The following MCUB variants were observed in gnomAD, a reference collection of about 807,000 sequenced individuals.
MCUB encodes mitochondrial calcium uniporter dominant negative subunit beta, also known as calcium uniporter regulatory subunit MCUb, mitochondrial.
MCUB carries 46 observed loss-of-function variants against 41.4 expected under a neutral mutation model. That is an observed-to-expected ratio of 1.11 (90% CI 0.88 to 1.42). The LOEUF is 1.42. Ranked by LOEUF, MCUB falls within the 40% of genes most tolerant of loss-of-function variation. MCUB has a pLI of 0.00. For missense variants in MCUB, 403 were observed against 404.9 expected, an observed-to-expected ratio of 1.00 and a Z score of 0.04; for synonymous variants, 148 against 148.2, an observed-to-expected ratio of 1.00 and a Z score of 0.01.
intron 1 of MCUB, among the ~76,000 whole-genome samples, chr4:109,581,986 C>A (rs906057071): frequency 6.6e-6 from 1 of 152,146 alleles, no homozygotes; most frequent in African/African-American, 2.4e-5. Context: ...CCTCAGGGAT[C>A]TAGAACTAGA....
At chr4:109,685,392 C>A in intron 7 of MCUB, 25 bp downstream of exon 7, 3 of 1,026,584 alleles carry the variant, frequency 2.9e-6, no homozygotes, top group Non-Finnish European at 3.1e-6. Flanking sequence ...CATCTTATAG[C>A]TGGTTTGTTT....
intron 1 of MCUB, among the ~76,000 whole-genome samples, chr4:109,600,335 G>C (rs1477907303): frequency 6.6e-6 from 1 of 152,170 alleles, no homozygotes; most frequent in Non-Finnish European, 1.5e-5. Flanking sequence ...TTCCCCAACA[G>C]ATAGAAGTAG....
chr4:109,564,168 C>G (rs1218274470), intron 1 of MCUB, among the ~76,000 whole-genome samples: 6 of 151,734 alleles, frequency 4.0e-5, no homozygotes, highest in Non-Finnish European at 8.8e-5. Flanking sequence ...GAGTCTTGCT[C>G]TGTCGCCAAG....
At chr4:109,655,285 C>T (rs1249394562) in intron 1 of MCUB, among the ~76,000 whole-genome samples, 1 of 152,122 alleles carries the variant, frequency 6.6e-6, no homozygotes, top group Non-Finnish European at 1.5e-5. Flanking sequence ...TGTCACCCTC[C>T]CAACACGTGG....
rs141178853 is a variant in MCUB, at chr4:109,626,012, T to C, written c.100-32999T>C. Among the ~76,000 whole-genome samples the C allele has an allele frequency of 5.1e-3, 777 of 152,328 alleles. 3 individuals carry two copies. The highest frequency in any genetic ancestry group is 0.018 in the African/African-American group (749 of 41,564). ...ATTCAGTTTTAGCCTTTTTCTATCA[T>C]CATTTTAGTTACAAATGGGTGTCCT... On this transcript the variant is annotated intron_variant, in intron 1 of 7. Transcript: ENST00000394650.
In MCUB at chr4:109,672,561, G is replaced by A. The variant is rs72674848; in HGVS notation, c.451+8167G>A. On this transcript the variant is annotated intron_variant, in intron 4 of 7. Coordinates refer to ENST00000394650, the MANE Select transcript of MCUB (RefSeq NM_017918.5). Reference sequence around the variant, plus strand: ...CATAAGTCTATGCCTTAATAAATTGGTGATAAAAGAAATAGATCAACAAAT... The same window carrying A: ...CATAAGTCTATGCCTTAATAAATTGATGATAAAAGAAATAGATCAACAAAT... 5.0e-3 allele frequency among the ~76,000 whole-genome samples: 768 copies of A among 152,296 alleles called. 4 individuals are homozygous for A. The highest frequency in any genetic ancestry group is 8.7e-3 in the Non-Finnish European group (589 of 68,022).
At chr4:109,600,339 G>T (rs913565804) in intron 1 of MCUB, among the ~76,000 whole-genome samples, 1 of 152,234 alleles carries the variant, frequency 6.6e-6, no homozygotes, top group Non-Finnish European at 1.5e-5. Flanking sequence ...CCAACAGATA[G>T]AAGTAGGTAA....
intron 1 of MCUB, among the ~76,000 whole-genome samples, chr4:109,597,984 A>G (rs554374027): frequency 6.8e-6 from 1 of 148,032 alleles, no homozygotes; most frequent in South Asian, 2.2e-4. Flanking sequence ...CGCTCCCCAC[A>G]TCTCAGACGA....
chr4:109,568,689 A>C (rs914636580), intron 1 of MCUB, among the ~76,000 whole-genome samples: 2 of 152,194 alleles, frequency 1.3e-5, no homozygotes, highest in African/African-American at 4.8e-5. Flanking sequence ...CAATACTTAC[A>C]GAACTTACAT....
rs199723566 is a variant in MCUB, at chr4:109,612,243, T to TTC, written c.100-46766_100-46765dup. Among the ~76,000 whole-genome samples, 1,308 of 150,686 alleles carry TTC rather than the reference T, an allele frequency of 8.7e-3. 19 individuals carry two copies. The highest frequency in any genetic ancestry group is 0.029 in the African/African-American group (1,206 of 41,114). ...AGGAGGAGAGAGAAAGCTCTGGTAT[T>TTC]TCTTCCTCCTCCTCCTTTTCTTTTT... On this transcript the variant is annotated intron_variant, in intron 1 of 7. Coordinates refer to ENST00000394650, the MANE Select transcript of MCUB (RefSeq NM_017918.5).
intron 4 of MCUB, among the ~76,000 whole-genome samples, chr4:109,670,118 G>A (rs28892996): frequency 0.31 from 47,036 of 152,080 alleles, 7,490 homozygotes; most frequent in East Asian, 0.47. Flanking sequence ...CTGGATAAAG[G>A]GAACTGCAGT....
intron 1 of MCUB, among the ~76,000 whole-genome samples, chr4:109,593,162 GA>G (rs1016355522): frequency 2.6e-5 from 4 of 152,190 alleles, no homozygotes; most frequent in African/African-American, 4.8e-5. Flanking sequence ...GGGATGTAGT[GA>G]AAAGGGGCAG....
At chr4:109,622,785 G>A (rs925583421) in intron 1 of MCUB, among the ~76,000 whole-genome samples, 1 of 152,102 alleles carries the variant, frequency 6.6e-6, no homozygotes, top group African/African-American at 2.4e-5. Flanking sequence ...TGTGCATTTG[G>A]TCGAAACTGT....
At chr4:109,572,483 G>A (rs960857782) in intron 1 of MCUB, among the ~76,000 whole-genome samples, 3 of 152,136 alleles carry the variant, frequency 2.0e-5, no homozygotes, top group Non-Finnish European at 4.4e-5. Context: ...AGACAAGCTT[G>A]TTATAAATAT....
At chr4:109,564,870 G>T (rs1726735448) in intron 1 of MCUB, among the ~76,000 whole-genome samples, 1 of 152,184 alleles carries the variant, frequency 6.6e-6, no homozygotes, top group African/African-American at 2.4e-5. Context: ...AGTGAGGAGA[G>T]TAGTAACTTC....
At chr4:109,661,320 G>T (rs1729227712) in intron 3 of MCUB, among the ~76,000 whole-genome samples, 1 of 152,102 alleles carries the variant, frequency 6.6e-6, no homozygotes, top group South Asian at 2.1e-4. Context: ...ATTTCATTAT[G>T]ATATTAAATA....
intron 1 of MCUB, among the ~76,000 whole-genome samples, chr4:109,587,088 C>T (rs187543606): frequency 7.2e-4 from 110 of 152,376 alleles, no homozygotes; most frequent in Middle Eastern, 3.4e-3. Flanking sequence ...GGCAGCAGGC[C>T]TTGCTGAGCT....
intron 1 of MCUB, among the ~76,000 whole-genome samples, chr4:109,572,949 A>G (rs141898390): frequency 1.4e-4 from 22 of 152,314 alleles, no homozygotes; most frequent in African/African-American, 5.3e-4. Context: ...TATTTATAAT[A>G]TGTACATATA....
chr4:109,663,168 A>C (rs546848171), intron 3 of MCUB, among the ~76,000 whole-genome samples: 10 of 152,340 alleles, frequency 6.6e-5, no homozygotes, highest in Admixed American at 3.9e-4. Flanking sequence ...AACCAAATGA[A>C]TGTCAGGCCG....
Sources: gnomAD v4.1 joint callset for allele counts (sites outside exome capture counted in the v4.1 genomes callset) on GRCh38, gnomAD v4.1.1 for gene constraint, MANE v1.5 for transcripts, NCBI Gene and HGNC (gene_info 2026-07-23, HGNC 2026-07-21) for gene names.